The following DNAJC12 variants were observed in gnomAD, a reference collection of about 807,000 sequenced individuals.
DNAJC12 encodes the protein dnaJ homolog subfamily C member 12.
A neutral mutation model predicts 28.5 loss-of-function variants in DNAJC12; 25 were observed. The observed-to-expected ratio is 0.88, with a 90% confidence interval of 0.64 to 1.22. The LOEUF is 1.22. Ranked by LOEUF, DNAJC12 falls within the 50% of genes most tolerant of loss-of-function variation. The probability of loss-of-function intolerance (pLI) is 0.00; values close to 1 mark genes in which losing one functional copy is unlikely to be tolerated. For synonymous variants in DNAJC12, 77 were observed against 80.6 expected (o/e 0.95, Z 0.24); for missense variants, 222 against 231.7 (o/e 0.96, Z 0.27).
At chr10:67,826,388 C>A (rs1402449756) in intron 1 of DNAJC12, among the ~76,000 whole-genome samples, 3 of 150,696 alleles carry the variant, frequency 2.0e-5, no homozygotes, top group Non-Finnish European at 4.4e-5. Flanking sequence ...CCTGCCTTGG[C>A]CTCCCAAAGT....
intron 4 of DNAJC12, among the ~76,000 whole-genome samples, chr10:67,797,835 TC>T (rs1356745174): frequency 6.6e-6 from 1 of 151,818 alleles, no homozygotes; most frequent in Non-Finnish European, 1.5e-5. Flanking sequence ...GGTCAGGAGA[TC>T]AAGACCATCC....
rs183616073 is a variant in DNAJC12 at position 67,802,917 on chromosome 10, C to T, written c.502+2666G>A. 4.0e-4 allele frequency among the ~76,000 whole-genome samples: 61 copies of T among 151,418 alleles called. No homozygotes were observed. In the East Asian group the frequency reaches 9.9e-3, roughly 25 times the overall value. On this transcript the variant is annotated intron_variant, in intron 4 of 4. Transcript: ENST00000225171. ...CCAGGCTGGAGTACAGTGGTGCAAT[C>T]GCAGCTCACTGCAGCCTCAACATCC...
chr10:67,809,412 CT>C (rs1029715883), intron 3 of DNAJC12, among the ~76,000 whole-genome samples: 2 of 151,934 alleles, frequency 1.3e-5, no homozygotes, highest in African/African-American at 2.4e-5. Flanking sequence ...CACTCCAAAC[CT>C]TTTTTTTCAA....
chr10:67,810,250 C>A (rs956794270), intron 3 of DNAJC12, among the ~76,000 whole-genome samples: 1 of 152,088 alleles, frequency 6.6e-6, no homozygotes, highest in East Asian at 1.9e-4. Context: ...GGAAATCTGC[C>A]CCCATGATCC....
At chr10:67,826,453 C>CAT (rs796774054) in intron 1 of DNAJC12, among the ~76,000 whole-genome samples, 15 of 84,178 alleles carry the variant, frequency 1.8e-4, no homozygotes, top group Admixed American at 6.9e-4. Flanking sequence ...ACTTTTAATG[C>CAT]ATATATATAT....
At chr10:67,830,554 G>C (rs1842083035) in intron 1 of DNAJC12, among the ~76,000 whole-genome samples, 1 of 151,062 alleles carries the variant, frequency 6.6e-6, no homozygotes, top group Non-Finnish European at 1.5e-5. Context: ...CTTGCAGTGA[G>C]CTGAGATCCC....
At chr10:67,797,823 G>A (rs181282489) in intron 4 of DNAJC12, among the ~76,000 whole-genome samples, 139 of 152,022 alleles carry the variant, frequency 9.1e-4, no homozygotes, top group African/African-American at 3.2e-3. Flanking sequence ...GGCGGATCAC[G>A]AGGTCAGGAG....
intron 4 of DNAJC12, among the ~76,000 whole-genome samples, chr10:67,805,214 G>A (rs1841786687): frequency 6.6e-6 from 1 of 151,930 alleles, no homozygotes; most frequent in Admixed American, 6.6e-5. Context: ...TATAAAATGA[G>A]AATAATATTG....
intron 3 of DNAJC12, chr10:67,808,698 A>G (rs979049108): frequency 6.6e-6 from 1 of 152,142 alleles, no homozygotes; most frequent in South Asian, 2.1e-4. Flanking sequence ...AAATCCATGG[A>G]CTCAGATGAG....
At chr10:67,814,628 A>G (rs1841896054) in intron 2 of DNAJC12, among the ~76,000 whole-genome samples, 1 of 152,258 alleles carries the variant, frequency 6.6e-6, no homozygotes, top group South Asian at 2.1e-4. Context: ...TAAGGTACTT[A>G]TATCTAGAAT....
At chr10:67,805,468 A>G in intron 4 of DNAJC12, 115 bp downstream of exon 4, 3 of 1,111,122 alleles carry the variant, frequency 2.7e-6, no homozygotes, top group Non-Finnish European at 3.8e-6. Context: ...ATGATAAACC[A>G]ATCTTTAAAC....
intron 2 of DNAJC12, among the ~76,000 whole-genome samples, chr10:67,815,691 G>A (rs942050988): frequency 2.0e-5 from 3 of 151,918 alleles, no homozygotes; most frequent in Non-Finnish European, 4.4e-5. Context: ...TTTCCAACAG[G>A]AATAAAAAGC....
At chr10:67,813,311 C>T in intron 2 of DNAJC12, among the ~76,000 whole-genome samples, 1 of 150,344 alleles carries the variant, frequency 6.7e-6, no homozygotes, top group East Asian at 2.0e-4. Flanking sequence ...TGCAGTGAGC[C>T]AAGATCACAC....
intron 4 of DNAJC12, among the ~76,000 whole-genome samples, chr10:67,804,370 A>G (rs1308307552): frequency 6.6e-6 from 1 of 152,140 alleles, no homozygotes; most frequent in African/African-American, 2.4e-5. Context: ...TATTTAAGAG[A>G]TGGAGTCTCA....
At chr10:67,834,069 AGGTC>A in intron 1 of DNAJC12, 1 of 459,912 alleles carries the variant, frequency 2.2e-6, no homozygotes, top group Non-Finnish European at 4.5e-6. Flanking sequence ...ATTTACTAGA[AGGTC>A]AAGCTAAAAA....
chr10:67,831,003 A>G (rs574576828), intron 1 of DNAJC12, among the ~76,000 whole-genome samples: 450 of 152,348 alleles, frequency 3.0e-3, no homozygotes, highest in Non-Finnish European at 4.3e-3. Context: ...GCTGACCAAC[A>G]TGGTGAAACC....
At chr10:67,802,952 C>G (rs941287381) in intron 4 of DNAJC12, among the ~76,000 whole-genome samples, 7 of 151,480 alleles carry the variant, frequency 4.6e-5, no homozygotes, top group African/African-American at 1.5e-4. Flanking sequence ...CCCCCCCACA[C>G]ACACACCCGG....
At chr10:67,831,821 G>A (rs912264382) in intron 1 of DNAJC12, among the ~76,000 whole-genome samples, 4 of 152,116 alleles carry the variant, frequency 2.6e-5, no homozygotes, top group Admixed American at 2.6e-4. Context: ...AACAGGAAAT[G>A]TTCAATAAAT....
intron 1 of DNAJC12, among the ~76,000 whole-genome samples, chr10:67,835,745 C>CAT (rs1395581080): frequency 3.1e-5 from 4 of 128,174 alleles, no homozygotes; most frequent in Admixed American, 1.7e-4. Context: ...CACACACACA[C>CAT]ACATATATAT....
Sources: gnomAD v4.1 joint callset for allele counts (sites outside exome capture counted in the v4.1 genomes callset) on GRCh38, gnomAD v4.1.1 for gene constraint, MANE v1.5 for transcripts, NCBI Gene and HGNC (gene_info 2026-07-23, HGNC 2026-07-21) for gene names.